The following DAB1 variants were observed in gnomAD, a reference collection of about 807,000 sequenced individuals.
The protein encoded by DAB1 is DAB adaptor protein 1.
A neutral mutation model predicts 64.6 loss-of-function variants in DAB1; 15 were observed. That is an observed-to-expected ratio of 0.23 (90% CI 0.16 to 0.36). The LOEUF is 0.36. DAB1 is among the 10% of genes least tolerant of loss of function. The pLI, the probability that DAB1 is intolerant of heterozygous loss-of-function variation, is 1.00. For missense variants in DAB1, 596 were observed against 706.7 expected (o/e 0.84, Z 1.78); for synonymous variants, 235 against 251.9 (o/e 0.93, Z 0.64).
chr1:57,895,394 G>C (rs192459529), intron 5 of DAB1, among the ~76,000 whole-genome samples: 1 of 152,296 alleles, frequency 6.6e-6, no homozygotes, highest in African/African-American at 2.4e-5. Flanking sequence ...TTGAAATCAG[G>C]CAGTCTGGCT....
chr1:57,285,692 C>T (rs938257382), intron 2 of DAB1, among the ~76,000 whole-genome samples: 6 of 152,332 alleles, frequency 3.9e-5, no homozygotes, highest in Non-Finnish European at 7.3e-5. Flanking sequence ...TCTGGTTACA[C>T]AGCACATAAA....
At chr1:58,525,935 G>C (rs1646342265) in intron 2 of DAB1, among the ~76,000 whole-genome samples, 1 of 151,992 alleles carries the variant, frequency 6.6e-6, no homozygotes, top group Non-Finnish European at 1.5e-5. Flanking sequence ...AAGAGACACT[G>C]AAGTCTGGTG....
At chr1:57,024,703 G>C (rs1011056458) in intron 10 of DAB1, among the ~76,000 whole-genome samples, 1 of 152,142 alleles carries the variant, frequency 6.6e-6, no homozygotes. Context: ...TGAGTCACAT[G>C]TCCTCTCTGG....
intron 1 of DAB1, chr1:58,536,704 T>C: frequency 1.1e-6 from 1 of 872,762 alleles, no homozygotes; most frequent in Non-Finnish European, 2.0e-6. Context: ...ACTTCCTTCT[T>C]GTTAGGAGGA....
At chr1:57,363,428 G>C (rs1239149501) in intron 1 of DAB1, among the ~76,000 whole-genome samples, 1 of 152,152 alleles carries the variant, frequency 6.6e-6, no homozygotes, top group Non-Finnish European at 1.5e-5. Flanking sequence ...GGCCGGAACA[G>C]ATCTCTCCCA....
At chr1:58,420,769 C>G (rs1304836661) in intron 3 of DAB1, among the ~76,000 whole-genome samples, 1 of 152,146 alleles carries the variant, frequency 6.6e-6, no homozygotes, top group African/African-American at 2.4e-5. Context: ...AGCAGATGGT[C>G]ATTTTCTTCC....
intron 7 of DAB1, among the ~76,000 whole-genome samples, chr1:57,567,766 G>A (rs1465514021): frequency 6.6e-6 from 1 of 152,116 alleles, no homozygotes; most frequent in Non-Finnish European, 1.5e-5. Context: ...ACTGCTCAAC[G>A]AAATAAAAGA....
intron 5 of DAB1, among the ~76,000 whole-genome samples, chr1:57,927,026 C>T (rs906239613): frequency 6.6e-6 from 1 of 152,188 alleles, no homozygotes; most frequent in Admixed American, 6.5e-5. Flanking sequence ...TCAAGTCCCA[C>T]CTCTGCTACT....
chr1:57,902,154 C>T (rs1644483908), intron 5 of DAB1, among the ~76,000 whole-genome samples: 1 of 100,204 alleles, frequency 1.0e-5, no homozygotes, highest in African/African-American at 3.1e-5. Context: ...GAGATCTTGT[C>T]TCAAAAAAAA....
intron 2 of DAB1, among the ~76,000 whole-genome samples, chr1:57,268,061 T>A (rs984462569): frequency 6.6e-6 from 1 of 152,192 alleles, no homozygotes; most frequent in African/African-American, 2.4e-5. Context: ...TTCTCCATGT[T>A]CAACAAGCCC....
At chr1:57,515,992 G>A (rs771131623) in intron 7 of DAB1, among the ~76,000 whole-genome samples, 4 of 152,240 alleles carry the variant, frequency 2.6e-5, no homozygotes, top group Non-Finnish European at 5.9e-5. Flanking sequence ...GTAGCGAAAT[G>A]CTAGGACTTA....
intron 5 of DAB1, among the ~76,000 whole-genome samples, chr1:58,027,873 C>G (rs1646916901): frequency 6.6e-6 from 1 of 152,116 alleles, no homozygotes; most frequent in African/African-American, 2.4e-5. Flanking sequence ...GGAGCAAATG[C>G]AGAAAGAATT....
chr1:57,233,255 C>T (rs372411860), intron 2 of DAB1, among the ~76,000 whole-genome samples: 116 of 60,732 alleles, frequency 1.9e-3, no homozygotes, highest in East Asian at 3.5e-3. Context: ...TGCTCCGATT[C>T]TTTTTTTTTT....
intron 1 of DAB1, among the ~76,000 whole-genome samples, chr1:57,360,128 A>G (rs1357390128): frequency 6.6e-6 from 1 of 152,130 alleles, no homozygotes; most frequent in African/African-American, 2.4e-5. Flanking sequence ...GCATTTGTTC[A>G]TTAGCTAGAC....
At position 58,249,764 on chromosome 1, in the gene DAB1, CAG is replaced by C. The variant is rs145480416; in HGVS notation, n.309+93586_309+93587del. ...GTCAACTCGGCCTCGACTGGGGTGTCAGGGAGCAAGAGCCGCTTGTCTCGGGG... is the reference window on the plus strand; with the variant it reads ...GTCAACTCGGCCTCGACTGGGGTGTCGGAGCAAGAGCCGCTTGTCTCGGGG... On this transcript the variant is annotated intron_variant and non_coding_transcript_variant, in intron 4 of 20. Coordinates refer to the DAB1 transcript ENST00000485760. Among the ~76,000 whole-genome samples the C allele has an allele frequency of 1.4e-4, 21 of 152,068 alleles. No homozygotes were observed. In the East Asian group the frequency reaches 4.1e-3, roughly 30 times the overall value.
chr1:58,290,171 C>T (rs1661780982), intron 4 of DAB1, among the ~76,000 whole-genome samples: 1 of 152,124 alleles, frequency 6.6e-6, no homozygotes, highest in Admixed American at 6.5e-5. Context: ...TGATCATGTA[C>T]TGGGTGTCTT....
At chr1:58,288,145 T>C (rs539823784) in intron 4 of DAB1, among the ~76,000 whole-genome samples, 1 of 151,792 alleles carries the variant, frequency 6.6e-6, no homozygotes, top group East Asian at 1.9e-4. Flanking sequence ...TCAAATAGTA[T>C]ACACAAAGAA....
chr1:58,237,973 G>T (rs1362922351), intron 4 of DAB1, among the ~76,000 whole-genome samples: 1 of 152,124 alleles, frequency 6.6e-6, no homozygotes, highest in Non-Finnish European at 1.5e-5. Context: ...AGCCTTCTTA[G>T]AACTATTATG....
At chr1:58,373,739 C>T (rs1383326717) in intron 3 of DAB1, among the ~76,000 whole-genome samples, 1 of 151,908 alleles carries the variant, frequency 6.6e-6, no homozygotes, top group Non-Finnish European at 1.5e-5. Context: ...TTCTAGATCC[C>T]TAAGGAATTG....
Sources: gnomAD v4.1 joint callset for allele counts (sites outside exome capture counted in the v4.1 genomes callset) on GRCh38, gnomAD v4.1.1 for gene constraint, MANE v1.5 for transcripts, NCBI Gene and HGNC (gene_info 2026-07-23, HGNC 2026-07-21) for gene names.